ASTN2: variants seen among roughly 807,000 people sequenced by gnomAD.
The protein encoded by ASTN2 is astrotactin-2.
In ASTN2, 54 loss-of-function variants were observed where a neutral mutation model predicts 139.8. The ratio of observed to expected loss-of-function variants is 0.39; its 90% CI spans 0.31 to 0.48. The LOEUF is 0.48. Ranked by LOEUF, ASTN2 falls within the 20% of genes least tolerant of loss-of-function variation. The probability of loss-of-function intolerance (pLI) is 0.95; values close to 1 mark genes in which losing one functional copy is unlikely to be tolerated. For synonymous variants in ASTN2, 756 were observed against 719.5 expected (o/e 1.05, Z -0.81); for missense variants, 1,565 against 1,725.1 (o/e 0.91, Z 1.64).
In ASTN2 at chr9:116,999,548, C is replaced by CTTTTT. The variant is rs71379248; in HGVS notation, c.1591+8539_1591+8543dup. On this transcript the variant is annotated intron_variant, in intron 7 of 22. Transcript: ENST00000313400. ...TTCCTCTTTCTTTCTTTCTCTCTTT[C>CTTTTT]TTTTTTTTTTTTTTTTTTTTTTTTT... Among the ~76,000 whole-genome samples, 158 of 94,916 alleles carry CTTTTT rather than the reference C, an allele frequency of 1.7e-3. 6 individuals are homozygous for CTTTTT. The highest frequency in any genetic ancestry group is 5.1e-3 in the East Asian group (16 of 3,140). The allele number at this position is 94,916 out of a possible 152,430, so 62.3% of individuals were successfully genotyped here.
At chr9:116,521,812 A>ACAAG (rs975581662) in intron 19 of ASTN2, among the ~76,000 whole-genome samples, 1 of 151,618 alleles carries the variant, frequency 6.6e-6, no homozygotes, top group African/African-American at 2.4e-5. Context: ...AGCAAGAAAA[A>ACAAG]CAAACAAACA....
intron 1 of ASTN2, among the ~76,000 whole-genome samples, chr9:117,393,042 A>G (rs1244234321): frequency 2.6e-5 from 4 of 152,234 alleles, no homozygotes; most frequent in Non-Finnish European, 5.9e-5. Context: ...GAGTAGACAA[A>G]GAGGCTACCT....
At chr9:116,847,176 C>A (rs1832464711) in intron 11 of ASTN2, among the ~76,000 whole-genome samples, 1 of 152,126 alleles carries the variant, frequency 6.6e-6, no homozygotes, top group Non-Finnish European at 1.5e-5. Flanking sequence ...AGTGCAGTGG[C>A]ACAATCTCGG....
intron 1 of ASTN2, among the ~76,000 whole-genome samples, chr9:117,413,359 G>C (rs539124137): frequency 4.1e-4 from 62 of 152,338 alleles, no homozygotes; most frequent in African/African-American, 1.3e-3. Flanking sequence ...GGATCCCGCC[G>C]AGGAAAAGAC....
chr9:116,860,567 T>C (rs1403154130), intron 11 of ASTN2, among the ~76,000 whole-genome samples: 2 of 152,230 alleles, frequency 1.3e-5, no homozygotes, highest in Non-Finnish European at 2.9e-5. Context: ...AAATCCAGGC[T>C]TTAGCCCAAT....
intron 19 of ASTN2, among the ~76,000 whole-genome samples, chr9:116,511,373 A>C (rs1850370761): frequency 1.3e-5 from 2 of 152,292 alleles, no homozygotes; most frequent in South Asian, 2.1e-4. Context: ...ATGGTGGATA[A>C]GTTTTTTGAT....
At chr9:117,001,903 C>T (rs76620539) in intron 7 of ASTN2, among the ~76,000 whole-genome samples, 277 of 152,174 alleles carry the variant, frequency 1.8e-3, no homozygotes, top group Admixed American at 3.1e-3. Context: ...GAATATTGTG[C>T]AATTTGTCTG....
intron 3 of ASTN2, among the ~76,000 whole-genome samples, chr9:117,163,614 T>C (rs1482415572): frequency 6.6e-6 from 1 of 152,044 alleles, no homozygotes; most frequent in African/African-American, 2.4e-5. Flanking sequence ...CAGATAAAAA[T>C]TACTTAGCAT....
chr9:116,887,116 A>G (rs1325390712), intron 10 of ASTN2, among the ~76,000 whole-genome samples: 2 of 152,208 alleles, frequency 1.3e-5, no homozygotes, highest in East Asian at 1.9e-4. Context: ...TTATTTGAAT[A>G]TAGGGACATT....
chr9:117,313,250 G>A (rs943126873), intron 1 of ASTN2, among the ~76,000 whole-genome samples: 1 of 152,190 alleles, frequency 6.6e-6, no homozygotes, highest in East Asian at 1.9e-4. Context: ...AGATTCTCAG[G>A]AAAGTCAAAA....
intron 5 of ASTN2, among the ~76,000 whole-genome samples, chr9:117,058,789 T>C (rs972645850): frequency 6.6e-6 from 1 of 152,122 alleles, no homozygotes; most frequent in African/African-American, 2.4e-5. Flanking sequence ...AATGCTAGTG[T>C]ACAGAAGAAT....
intron 22 of ASTN2, among the ~76,000 whole-genome samples, chr9:116,432,895 A>C (rs1847541806): frequency 6.6e-6 from 1 of 152,044 alleles, no homozygotes; most frequent in Admixed American, 6.6e-5. Context: ...GCACCACTGC[A>C]CTCCAGCCTG....
In ASTN2 at chr9:116,698,784, G is replaced by A; in HGVS notation, c.2806+26987C>T. 6.2e-7 allele frequency: 1 copy of A among 1,614,186 alleles called. No homozygotes were observed. On this transcript the variant is annotated intron_variant, in intron 16 of 22. Coordinates refer to ENST00000313400, the MANE Select transcript of ASTN2 (RefSeq NM_001365068.1). This position sits in a 1 kb window ranked among gnomAD's most constrained non-coding sequence, Gnocchi z 4.4. ...ACCTGCTAAACAGCGGGGTCCTGAG[G>A]CAGCCTCCAATATCCAGCAGTGCCT... is the stretch of plus-strand genomic sequence containing the variant.
At chr9:116,898,654 T>TA (rs1324901754) in intron 10 of ASTN2, among the ~76,000 whole-genome samples, 1 of 152,194 alleles carries the variant, frequency 6.6e-6, no homozygotes, top group African/African-American at 2.4e-5. Flanking sequence ...AAAAAAGTGT[T>TA]AAAAATTATT....
chr9:117,170,158 A>G (rs141372613), intron 3 of ASTN2, among the ~76,000 whole-genome samples: 1 of 152,278 alleles, frequency 6.6e-6, no homozygotes, highest in East Asian at 1.9e-4. Context: ...TAATAGTAAT[A>G]AGATTCAGTT....
intron 10 of ASTN2, among the ~76,000 whole-genome samples, chr9:116,937,279 C>A (rs1221144519): frequency 6.6e-6 from 1 of 152,156 alleles, no homozygotes; most frequent in Non-Finnish European, 1.5e-5. Flanking sequence ...ACCACTCACC[C>A]CTCAGCTTCC....
intron 19 of ASTN2, among the ~76,000 whole-genome samples, chr9:116,529,725 T>G (rs1003493655): frequency 6.6e-6 from 1 of 151,998 alleles, no homozygotes; most frequent in African/African-American, 2.4e-5. Flanking sequence ...GTTCTCATGA[T>G]AGTGAGTGAG....
chr9:116,787,600 T>C (rs533169143), intron 13 of ASTN2, among the ~76,000 whole-genome samples: 13 of 152,312 alleles, frequency 8.5e-5, no homozygotes, highest in Admixed American at 8.5e-4. Context: ...AATCTCCTAA[T>C]GTCCTCCAGT....
chr9:116,514,602 G>A (rs935888053), intron 19 of ASTN2, among the ~76,000 whole-genome samples: 18 of 152,208 alleles, frequency 1.2e-4, no homozygotes, highest in African/African-American at 3.6e-4. Flanking sequence ...TGCCCCCAGA[G>A]GTGGAGTCTA....
Sources: allele counts gnomAD v4.1 joint callset (sites outside exome capture counted in the v4.1 genomes callset), GRCh38; gene constraint gnomAD v4.1.1; non-coding constraint Gnocchi (gnomAD v3.1); transcripts MANE v1.5; gene names NCBI Gene and HGNC (gene_info 2026-07-23, HGNC 2026-07-21).